AMIGO3: variants seen among roughly 807,000 people sequenced by gnomAD.
AMIGO3 encodes the protein adhesion molecule with Ig like domain 3, also known as amphoterin-induced protein 3.
AMIGO3 carries 6 observed loss-of-function variants against 4.3 expected under a neutral mutation model. The observed-to-expected ratio is 1.39, with a 90% CI of 0.76 to 2.75. AMIGO3 has a LOEUF of 2.75. AMIGO3 is among the 30% of genes most tolerant of loss of function. The pLI, the probability that AMIGO3 is intolerant of heterozygous loss-of-function variation, is 0.00. For synonymous variants in AMIGO3, 315 were observed against 320.0 expected, an observed-to-expected ratio of 0.98 and a Z score of 0.17; for missense variants, 771 against 692.1, an observed-to-expected ratio of 1.11 and a Z score of -1.28.
Position 49,719,443 on chromosome 3 carries a change from C to T in AMIGO3, c.23G>A (p.Gly8Glu). The change falls in exon 1 of 1, where the codon GGG (glycine) becomes GAG (glutamate). Residue 8 changes from glycine to glutamate, a missense_variant. Gly to Glu is a moderately conservative substitution (Grantham distance 98). Transcript: ENST00000320431. The stretch of plus-strand genomic sequence containing the variant: ...AACGCGCAGCATGCAGAGCAGTGTC[C>T]CCAGCAGCACCAACCAGGTCATGGC... MTWLVLL[G>E]TLLCMLRVGL... 6.2e-7 allele frequency: 1 copy of T among 1,613,002 alleles called. No homozygotes were observed. Among genetic ancestry groups the T allele is most frequent in the South Asian group, 1.1e-5 (1 of 91,006 alleles).
rs1478997639 is a variant in AMIGO3 at position 49,718,672 on chromosome 3, T to C, written c.794A>G (p.Gln265Arg). 2.5e-6 allele frequency: 4 copies of C among 1,612,860 alleles called. No homozygotes were observed. The highest frequency in any genetic ancestry group is 3.3e-5 in the Admixed American group (2 of 60,004). Residue 265 changes from glutamine (Q) to arginine (R), a missense_variant, in exon 1 of 1, where the codon CAG becomes CGG. Transcript: ENST00000320431. ...KVPASRVRFF[Q>R]HSRVFENCSS... The stretch of plus-strand genomic sequence containing the variant: ...GCAGTTCTCAAAGACGCGGCTGTGC[T>C]GGAAGAAGCGCACGCGGGACGCGGG...
In AMIGO3 at chr3:49,718,531, A is replaced by T. The variant is rs774191576; in HGVS notation, c.935T>A (p.Val312Asp). ...CCTGAGAAGCTCCTGCTGCGGCGAA[A>T]CCCAGGCAATGCGCATGGCCGGGAC... Reference protein sequence around the residue: ...TSVPAMRIAWVSPQQELLRAP... With the variant: ...TSVPAMRIAWDSPQQELLRAP... Residue 312 changes from valine to aspartate, a missense_variant, in exon 1 of 1, where the codon GTT becomes GAT. By Grantham distance (152) the Val-to-Asp change is radical (BLOSUM62 -3). Coordinates refer to ENST00000320431, the MANE Select transcript of AMIGO3 (RefSeq NM_198722.3). 1 of 1,613,092 alleles carries T rather than the reference A, an allele frequency of 6.2e-7. No homozygotes were observed. The highest frequency in any genetic ancestry group is 8.5e-7 in the Non-Finnish European group (1 of 1,179,940).
rs775368228 is a variant in AMIGO3, at chr3:49,717,946, G to A, written c.*5C>T. 2.5e-6 allele frequency: 4 copies of A among 1,608,900 alleles called. No homozygotes were observed. The Admixed American group carries it at 6.7e-5, about 27-fold the overall frequency. ...GGGGGCCTGGGTGGGGGAGCCCTGG[G>A]CAGTCTAGGTTGTCATGGGACCCTC... On this transcript the variant is annotated 3_prime_UTR_variant, in exon 1 of 1. Transcript: ENST00000320431.
In AMIGO3 at chr3:49,718,427, C is replaced by T. The variant is rs1408855629; in HGVS notation, c.1039G>A (p.Ala347Thr). 6 of 1,613,008 alleles carry T rather than the reference C, an allele frequency of 3.7e-6. No homozygotes were observed. The highest frequency in any genetic ancestry group is 1.1e-5 in the South Asian group (1 of 91,062). ...LAIGNVQEQH[A>T]GLFVCLATGP... Reference sequence around the variant, plus strand: ...GTGGCCAGGCACACGAAGAGTCCCGCATGCTGCTCCTGTACGTTGCCTATG... The same window carrying T: ...GTGGCCAGGCACACGAAGAGTCCCGTATGCTGCTCCTGTACGTTGCCTATG... Residue 347 changes from alanine to threonine, a missense_variant, in exon 1 of 1, where the codon GCG (alanine) becomes ACG (threonine). Physicochemically the swap from Ala to Thr is moderately conservative, Grantham distance 58. Transcript: ENST00000320431.
At position 49,718,640 on chromosome 3, in the gene AMIGO3, C is replaced by T; in HGVS notation, c.826G>A (p.Ala276Thr). Residue 276 changes from alanine to threonine, a missense_variant, in exon 1 of 1, where the codon GCC becomes ACC. By Grantham distance (58) the Ala-to-Thr change is moderately conservative. Coordinates refer to ENST00000320431, the MANE Select transcript of AMIGO3 (RefSeq NM_198722.3). The part of the protein sequence containing the change: ...HSRVFENCSS[A>T]PALGLERPEE... ...GGCCGCTCTAGGCCAAGAGCTGGGG[C>T]CGACGAGCAGTTCTCAAAGACGCGG... 3.1e-6 allele frequency: 5 copies of T among 1,612,976 alleles called. No homozygotes were observed. Among genetic ancestry groups the T allele is most frequent in the Non-Finnish European group, 3.4e-6 (4 of 1,179,962 alleles).
At position 49,719,565 on chromosome 3, in the gene AMIGO3, G is replaced by A; in HGVS notation, c.-100C>T. 2 of 1,088,400 alleles carry A rather than the reference G, an allele frequency of 1.8e-6. No homozygotes were observed. The highest frequency in any genetic ancestry group is 2.6e-6 in the Non-Finnish European group (2 of 756,494). The allele number at this position is 1,088,400 out of a possible 1,614,324, so 67.4% of individuals were successfully genotyped here. A position where few individuals can be genotyped will look rare whatever the true frequency, so the allele number is the denominator to read the frequency against. ...AGTGCGACATGGGTGGCACCGGATG[G>A]CCCTTGCCGAGGAGGCACGGCGGGT... On this transcript the variant is annotated 5_prime_UTR_variant, in exon 1 of 1. Coordinates refer to ENST00000320431, the MANE Select transcript of AMIGO3 (RefSeq NM_198722.3).
chr3:49,719,386 G>A lies in AMIGO3; in HGVS notation c.80C>T (p.Pro27Leu). ...GLGTPDSEGF[P>L]PRALHNCPYK... The stretch of plus-strand genomic sequence containing the variant: ...GGGGCAGTTGTGGAGCGCACGGGGC[G>A]GGAAACCCTCGGAGTCCGGGGTGCC... Residue 27 changes from proline (P) to leucine (L), a missense_variant, in exon 1 of 1, where the codon CCG (proline) becomes CTG (leucine). Transcript: ENST00000320431. The A allele has an allele frequency of 1.9e-6, 3 of 1,613,604 alleles. No individual in the cohort carries two copies. Among genetic ancestry groups the A allele is most frequent in the Non-Finnish European group, 2.5e-6 (3 of 1,180,038 alleles).
rs894386243 is a variant in AMIGO3, at chr3:49,719,581, C to T, written c.-116G>A. On this transcript the variant is annotated 5_prime_UTR_variant, in exon 1 of 1. Transcript: ENST00000320431. Reference sequence around the variant, plus strand: ...CACCGGATGGCCCTTGCCGAGGAGGCACGGCGGGTTCTTGCCAGCCGACGG... The same window carrying T: ...CACCGGATGGCCCTTGCCGAGGAGGTACGGCGGGTTCTTGCCAGCCGACGG... 6 of 932,486 alleles carry T rather than the reference C, an allele frequency of 6.4e-6. No homozygotes were observed. Among genetic ancestry groups the T allele is most frequent in the South Asian group, 5.1e-5 (3 of 59,402 alleles). 57.8% of individuals were successfully genotyped at this position (932,486 alleles called of 1,614,324 possible).
In AMIGO3 at chr3:49,717,518, C is replaced by G; in HGVS notation, c.*433G>C. The G allele has an allele frequency of 5.0e-6, 1 of 199,968 alleles. No homozygotes were observed. Among genetic ancestry groups the G allele is most frequent in the Non-Finnish European group, 1.0e-5 (1 of 96,432 alleles). 12.4% of individuals were successfully genotyped at this position (199,968 alleles called of 1,614,324 possible). The stretch of plus-strand genomic sequence containing the variant: ...AGGTGGCCCTGCGTCAGCTCTTGAG[C>G]ACCACTCCTCGAGAGCTGTCTCAGC... On this transcript the variant is annotated 3_prime_UTR_variant, in exon 1 of 1. Transcript: ENST00000320431.
At position 49,717,729 on chromosome 3, in the gene AMIGO3, C is replaced by A. The variant is rs986733619; in HGVS notation, c.*222G>T. ...CTAGCACACCTTGCAGGGCCTGGGGCCTTTGGGTCCTGTGCAGGGGCAGAG... is the reference window on the plus strand; with the variant it reads ...CTAGCACACCTTGCAGGGCCTGGGGACTTTGGGTCCTGTGCAGGGGCAGAG... On this transcript the variant is annotated 3_prime_UTR_variant, in exon 1 of 1. Coordinates refer to ENST00000320431, the MANE Select transcript of AMIGO3 (RefSeq NM_198722.3). The A allele has an allele frequency of 4.9e-6, 3 of 607,888 alleles. No homozygotes were observed. Among genetic ancestry groups the A allele is most frequent in the Admixed American group, 3.0e-5 (1 of 33,454 alleles). The allele number at this position is 607,888 out of a possible 1,614,324, so 37.7% of individuals were successfully genotyped here.
Position 49,718,445 on chromosome 3 carries a change from T to C in AMIGO3, c.1021A>G (p.Asn341Asp), listed in dbSNP as rs2080301292. The change falls in exon 1 of 1, where the codon AAC (asparagine) becomes GAC (aspartate). Residue 341 changes from asparagine (N) to aspartate (D), a missense_variant. By Grantham distance (23) the Asn-to-Asp change is conservative (BLOSUM62 1). Transcript: ENST00000320431. Reference protein sequence around the residue: ...VLADGSLAIGNVQEQHAGLFV... With the variant: ...VLADGSLAIGDVQEQHAGLFV... ...AGTCCCGCATGCTGCTCCTGTACGT[T>C]GCCTATGGCCAAGCTGCCGTCGGCC... 6.2e-7 allele frequency: 1 copy of C among 1,612,980 alleles called. No homozygotes were observed. The highest frequency in any genetic ancestry group is 1.1e-5 in the South Asian group (1 of 91,068).
rs2108204738 is a variant in AMIGO3, at chr3:49,718,710, C to A, written c.756G>T (p.Leu252Phe). Residue 252 changes from leucine (L) to phenylalanine (F), a missense_variant, in exon 1 of 1, where the codon TTG becomes TTT. Transcript: ENST00000320431. ...VRDFAREYVCLAFKVPASRVR... is the reference protein window; with the variant it reads ...VRDFAREYVCFAFKVPASRVR... ...CGCGGGACGCGGGTACCTTGAAGGCCAAGCATACGTACTCGCGCGCAAAGT... is the reference window on the plus strand; with the variant it reads ...CGCGGGACGCGGGTACCTTGAAGGCAAAGCATACGTACTCGCGCGCAAAGT... 6.2e-7 allele frequency: 1 copy of A among 1,613,004 alleles called. No homozygotes were observed. The highest frequency in any genetic ancestry group is 2.2e-5 in the East Asian group (1 of 44,884).
chr3:49,719,323 G>C lies in AMIGO3; in HGVS notation c.143C>G (p.Thr48Ser). 1 of 1,613,246 alleles carries C rather than the reference G, an allele frequency of 6.2e-7. No homozygotes were observed. Among genetic ancestry groups the C allele is most frequent in the Non-Finnish European group, 8.5e-7 (1 of 1,180,008 alleles). The change falls in exon 1 of 1, where the codon ACT (threonine) becomes AGT (serine). Residue 48 changes from threonine to serine, a missense_variant. Thr to Ser is a moderately conservative substitution (Grantham distance 58, BLOSUM62 1). Transcript: ENST00000320431. ...CICAADLLSC[T>S]GLGLQDVPAE... ...TGGCACGTCCTGCAGCCCTAGGCCA[G>C]TGCAGCTTAGCAGGTCGGCAGCGCA...
rs138066462 is a variant in AMIGO3, at chr3:49,717,528, C to T, written c.*423G>A. The T allele has an allele frequency of 1.4e-4, 30 of 216,652 alleles. No individual in the cohort carries two copies. Among genetic ancestry groups the T allele is most frequent in the Admixed American group, 2.6e-4 (5 of 19,142 alleles). The allele number at this position is 216,652 out of a possible 1,614,324, so 13.4% of individuals were successfully genotyped here. ...GCGTCAGCTCTTGAGCACCACTCCT[C>T]GAGAGCTGTCTCAGCCCCTGAGGGT... On this transcript the variant is annotated 3_prime_UTR_variant, in exon 1 of 1. Coordinates refer to ENST00000320431, the MANE Select transcript of AMIGO3 (RefSeq NM_198722.3).
In AMIGO3 at chr3:49,719,602, G is replaced by A; in HGVS notation, c.-137C>T. On this transcript the variant is annotated 5_prime_UTR_variant, in exon 1 of 1. Coordinates refer to ENST00000320431, the MANE Select transcript of AMIGO3 (RefSeq NM_198722.3). ...GAGGCACGGCGGGTTCTTGCCAGCC[G>A]ACGGCCCCTACTCTCCGGTTCCCAG... 1.4e-6 allele frequency: 1 copy of A among 724,058 alleles called. No individual in the cohort carries two copies. The highest frequency in any genetic ancestry group is 2.3e-6 in the Non-Finnish European group (1 of 438,712). 44.9% of individuals were successfully genotyped at this position (724,058 alleles called of 1,614,324 possible). A position where few individuals can be genotyped will look rare whatever the true frequency, so the allele number is the denominator to read the frequency against.
chr3:49,718,747 C>T lies in AMIGO3; in HGVS notation c.719G>A (p.Ser240Asn). The T allele has an allele frequency of 6.2e-7, 1 of 1,613,180 alleles. No individual in the cohort carries two copies. Among genetic ancestry groups the T allele is most frequent in the Non-Finnish European group, 8.5e-7 (1 of 1,180,000 alleles). ...CTCGCGCGCAAAGTCGCGCACGGCG[C>T]TCAGGCCCCGCTGGTGCCAGCGCTG... ...LLQRWHQRGL[S>N]AVRDFAREYV... Residue 240 changes from serine (S) to asparagine (N), a missense_variant, in exon 1 of 1, where the codon AGC (serine) becomes AAC (asparagine). By Grantham distance (46) the Ser-to-Asn change is conservative. Transcript: ENST00000320431.
rs771213073 is a variant in AMIGO3 at position 49,718,671 on chromosome 3, C to A, written c.795G>T (p.Gln265His). 3 of 1,612,846 alleles carry A rather than the reference C, an allele frequency of 1.9e-6. No homozygotes were observed. The highest frequency in any genetic ancestry group is 2.5e-6 in the Non-Finnish European group (3 of 1,179,942). Residue 265 changes from glutamine to histidine, a missense_variant, in exon 1 of 1, where the codon CAG becomes CAT. By Grantham distance (24) the Gln-to-His change is conservative. Coordinates refer to ENST00000320431, the MANE Select transcript of AMIGO3 (RefSeq NM_198722.3). The stretch of plus-strand genomic sequence containing the variant: ...AGCAGTTCTCAAAGACGCGGCTGTG[C>A]TGGAAGAAGCGCACGCGGGACGCGG... ...KVPASRVRFF[Q>H]HSRVFENCSS...
chr3:49,718,134 G>T lies in AMIGO3; in HGVS notation c.1332C>A (p.Pro444=), dbSNP rs1401431804. ...SVLSTTPPDA[P]SRKASVHKHV... is the part of the protein sequence containing the mutation. ...GCTTGTGGACGCTGGCCTTGCGGCT[G>T]GGTGCGTCTGGCGGTGTGGTGCTGA... Residue 444 remains proline (P), a synonymous_variant, in exon 1 of 1, where the codon CCC becomes CCA. Coordinates refer to ENST00000320431, the MANE Select transcript of AMIGO3 (RefSeq NM_198722.3). 1 of 1,613,352 alleles carries T rather than the reference G, an allele frequency of 6.2e-7. No individual in the cohort carries two copies. Among genetic ancestry groups the T allele is most frequent in the Non-Finnish European group, 8.5e-7 (1 of 1,180,046 alleles).
Position 49,718,341 on chromosome 3 carries a change from G to C in AMIGO3, c.1125C>G (p.Arg375=), listed in dbSNP as rs759945468. The change falls in exon 1 of 1, where the codon CGC becomes CGG. Residue 375 remains arginine, a synonymous_variant. Coordinates refer to ENST00000320431, the MANE Select transcript of AMIGO3 (RefSeq NM_198722.3). The part of the protein sequence containing the change: ...HEYNVSVHFP[R]PEPEAFNTGF... ...CTGTGTTGAAAGCCTCGGGCTCTGG[G>C]CGCGGAAAGTGCACGCTCACGTTGT... 8 of 1,613,390 alleles carry C rather than the reference G, an allele frequency of 5.0e-6. No homozygotes were observed. The highest frequency in any genetic ancestry group is 1.7e-5 in the Admixed American group (1 of 60,022).
Sources: gnomAD v4.1 joint callset for allele counts on GRCh38, gnomAD v4.1.1 for gene constraint, MANE v1.5 for transcripts, NCBI Gene and HGNC (gene_info 2026-07-23, HGNC 2026-07-21) for gene names.